ZFAND3: variants seen among roughly 807,000 people sequenced by gnomAD.
ZFAND3 encodes the protein zinc finger AN1-type containing 3, also known as AN1-type zinc finger protein 3.
In ZFAND3, 10 loss-of-function variants were observed where a neutral mutation model predicts 29.6. That is an observed-to-expected ratio of 0.34 (90% CI 0.21 to 0.57). ZFAND3 has a LOEUF of 0.57. ZFAND3 is among the 20% of genes least tolerant of loss of function. The pLI is 0.86. For missense variants in ZFAND3, 230 were observed against 304.5 expected (o/e 0.76, Z 1.82); for synonymous variants, 128 against 112.6 (o/e 1.14, Z -0.87).
chr6:38,034,457 G>T (rs1017237614), intron 2 of ZFAND3, among the ~76,000 whole-genome samples: 13 of 152,126 alleles, frequency 8.5e-5, no homozygotes, highest in African/African-American at 2.4e-4. Flanking sequence ...TGCATTTCCA[G>T]TTCAAGATAT....
chr6:38,137,323 CCAGGTAACTGGA>C lies in ZFAND3; in HGVS notation c.530-14911_530-14900del, dbSNP rs1432543443. Among the ~76,000 whole-genome samples the C allele has an allele frequency of 3.9e-5, 6 of 152,320 alleles. No homozygotes were observed. The South Asian group carries it at 1.0e-3, about 26-fold the overall frequency. On this transcript the variant is annotated intron_variant, in intron 5 of 5. Coordinates refer to ENST00000287218, the MANE Select transcript of ZFAND3 (RefSeq NM_021943.3). ...TTGTGCCCAGTGCACTTGTGTTCAC[CCAGGTAACTGGA>C]TGAACTGTGTGGTGATGGTGTTCTC...
chr6:38,086,117 G>A (rs567084384), intron 4 of ZFAND3, among the ~76,000 whole-genome samples: 37 of 152,294 alleles, frequency 2.4e-4, no homozygotes, highest in African/African-American at 7.9e-4. Context: ...GTGAGTCTAC[G>A]AAGCAGATTG....
At chr6:37,991,106 C>T (rs1762751209) in intron 2 of ZFAND3, among the ~76,000 whole-genome samples, 1 of 152,026 alleles carries the variant, frequency 6.6e-6, no homozygotes, top group African/African-American at 2.4e-5. Context: ...GAATATTTCC[C>T]ACTGGAGGAG....
chr6:38,094,370 T>C (rs1048079878), intron 4 of ZFAND3, among the ~76,000 whole-genome samples: 10 of 151,820 alleles, frequency 6.6e-5, no homozygotes, highest in Non-Finnish European at 1.5e-5. Flanking sequence ...GCTCTCTTTG[T>C]TTTTTAATAA....
At chr6:38,026,808 A>AGAGAGT (rs1554168035) in intron 2 of ZFAND3, among the ~76,000 whole-genome samples, 6 of 150,948 alleles carry the variant, frequency 4.0e-5, no homozygotes, top group Middle Eastern at 6.4e-3. Context: ...AGAGAGAGAG[A>AGAGAGT]GAGTGTAATT....
Position 38,153,493 on chromosome 6 carries a change from G to C in ZFAND3, c.*1104G>C, listed in dbSNP as rs1275786190. 1.0e-6 allele frequency: 1 copy of C among 985,654 alleles called. No homozygotes were observed. Among genetic ancestry groups the C allele is most frequent in the African/African-American group, 1.7e-5 (1 of 57,378 alleles). The allele number at this position is 985,654 out of a possible 1,614,324, so 61.1% of individuals were successfully genotyped here. Reference sequence around the variant, plus strand: ...ATAGCAAGTTTAGTAAGGGAAGGCAGCATACGTCCCAGGGACAGTGGGTTT... The same window carrying C: ...ATAGCAAGTTTAGTAAGGGAAGGCACCATACGTCCCAGGGACAGTGGGTTT... On this transcript the variant is annotated 3_prime_UTR_variant, in exon 6 of 6. Transcript: ENST00000287218.
intron 2 of ZFAND3, among the ~76,000 whole-genome samples, chr6:38,048,449 G>A (rs1397107857): frequency 1.2e-4 from 18 of 151,412 alleles, no homozygotes; most frequent in African/African-American, 3.6e-4. Flanking sequence ...GTGAAACCCC[G>A]TCTCTACTAA....
At chr6:38,133,711 C>G (rs1765787642) in intron 5 of ZFAND3, among the ~76,000 whole-genome samples, 1 of 151,512 alleles carries the variant, frequency 6.6e-6, no homozygotes, top group Non-Finnish European at 1.5e-5. Flanking sequence ...GATCACGCCA[C>G]TGCACTCCAG....
At chr6:38,111,595 A>G (rs988210685) in intron 4 of ZFAND3, among the ~76,000 whole-genome samples, 2 of 152,096 alleles carry the variant, frequency 1.3e-5, no homozygotes, top group Non-Finnish European at 2.9e-5. Context: ...TCGATGATCC[A>G]CTTTCACTTA....
At chr6:38,051,738 G>A (rs1325981458) in intron 2 of ZFAND3, among the ~76,000 whole-genome samples, 1 of 152,194 alleles carries the variant, frequency 6.6e-6, no homozygotes, top group Admixed American at 6.5e-5. Flanking sequence ...GTTAGAACTA[G>A]ATTAATGCCA....
chr6:38,011,759 C>G (rs1428073896), intron 2 of ZFAND3, among the ~76,000 whole-genome samples: 2 of 152,058 alleles, frequency 1.3e-5, no homozygotes, highest in African/African-American at 2.4e-5. Context: ...GTCCAGAACT[C>G]TATTACACTT....
chr6:38,017,800 T>C (rs1404900576), intron 2 of ZFAND3, among the ~76,000 whole-genome samples: 2 of 152,204 alleles, frequency 1.3e-5, no homozygotes, highest in Non-Finnish European at 2.9e-5. Context: ...GACCTGTTTG[T>C]TTTATGGAAA....
chr6:38,135,796 CAGATG>C (rs914311056), intron 5 of ZFAND3, among the ~76,000 whole-genome samples: 4 of 151,864 alleles, frequency 2.6e-5, no homozygotes, highest in African/African-American at 9.7e-5. Context: ...GCTGTGTAGA[CAGATG>C]AGAGGTACAC....
At chr6:38,003,851 C>T (rs909190129) in intron 2 of ZFAND3, 1 of 443,194 alleles carries the variant, frequency 2.3e-6, no homozygotes, top group African/African-American at 2.0e-5. Context: ...TTTCCTTCTG[C>T]CTTCAGGGAA....
chr6:38,124,691 G>A (rs1430517837), intron 5 of ZFAND3, among the ~76,000 whole-genome samples: 2 of 152,156 alleles, frequency 1.3e-5, no homozygotes, highest in East Asian at 1.9e-4. Context: ...GTTCCTGCCC[G>A]CACCTTTCCC....
intron 1 of ZFAND3, among the ~76,000 whole-genome samples, chr6:37,846,160 G>C (rs1032536175): frequency 1.3e-5 from 2 of 152,188 alleles, no homozygotes; most frequent in Non-Finnish European, 2.9e-5. Context: ...ATTTTAAGCT[G>C]TTTGAGGGTT....
At chr6:38,113,706 T>G (rs1284728045) in intron 4 of ZFAND3, among the ~76,000 whole-genome samples, 1 of 152,162 alleles carries the variant, frequency 6.6e-6, no homozygotes, top group Admixed American at 6.5e-5. Context: ...TTTAAAAAAT[T>G]TTTCTTCACA....
intron 2 of ZFAND3, among the ~76,000 whole-genome samples, chr6:38,025,357 C>G (rs1356499331): frequency 6.6e-6 from 1 of 152,000 alleles, no homozygotes; most frequent in Non-Finnish European, 1.5e-5. Flanking sequence ...TTGTTTTTAT[C>G]CCCCCTTTTT....
chr6:38,062,538 A>G (rs897076955), intron 3 of ZFAND3: 10 of 152,086 alleles, frequency 6.6e-5, no homozygotes, highest in African/African-American at 2.4e-4. Context: ...GCCTGCCACC[A>G]TGCCTGGCTA....
Sources: allele counts gnomAD v4.1 joint callset (sites outside exome capture counted in the v4.1 genomes callset), GRCh38; gene constraint gnomAD v4.1.1; transcripts MANE v1.5; gene names NCBI Gene and HGNC (gene_info 2026-07-23, HGNC 2026-07-21).